Variants in PIBF1 observed in about 807,000 individuals in gnomAD.
PIBF1 encodes progesterone immunomodulatory binding factor 1, also known as progesterone-induced-blocking factor 1.
A neutral mutation model predicts 112.5 loss-of-function variants in PIBF1; 90 were observed. The observed-to-expected ratio is 0.80, with a 90% confidence interval of 0.67 to 0.95. The LOEUF (loss-of-function observed/expected upper bound fraction) is 0.95, where lower values mean the gene tolerates loss of function less well. PIBF1 is among the 40% of genes least tolerant of loss of function. PIBF1 has a pLI of 0.00. For synonymous variants in PIBF1, 301 were observed against 288.6 expected (o/e 1.04, Z -0.44); for missense variants, 915 against 852.3 (o/e 1.07, Z -0.92).
At chr13:72,792,600 T>A in intron 3 of PIBF1, 53 bp downstream of exon 3, 1 of 875,598 alleles carries the variant, frequency 1.1e-6, no homozygotes, top group Non-Finnish European at 1.8e-6. Context: ...CAATTAAAAG[T>A]AATTTTATTG....
intron 11 of PIBF1, among the ~76,000 whole-genome samples, chr13:72,895,023 T>A (rs2040222698): frequency 6.6e-6 from 1 of 151,102 alleles, no homozygotes; most frequent in South Asian, 2.1e-4. Flanking sequence ...ACTTGGGGGT[T>A]GAGACAGGGA....
Position 72,973,917 on chromosome 13 carries a change from A to G in PIBF1, c.2049+242A>G, listed in dbSNP as rs2138944485. The G allele has an allele frequency of 1.1e-5, 5 of 463,212 alleles. No homozygotes were observed. The East Asian group carries it at 1.7e-4, about 16-fold the overall frequency. The allele number at this position is 463,212 out of a possible 1,614,324, so 28.7% of individuals were successfully genotyped here. On this transcript the variant is annotated intron_variant, in intron 16 of 17. Coordinates refer to ENST00000326291, the MANE Select transcript of PIBF1 (RefSeq NM_006346.4). ...TCACTGAATTTCCCCATATTATTTA[A>G]TAATAATCTGTTTTATCTTATTCTG...
intron 14 of PIBF1, among the ~76,000 whole-genome samples, chr13:72,957,571 C>T (rs567494510): frequency 6.6e-6 from 1 of 152,178 alleles, no homozygotes; most frequent in Admixed American, 6.5e-5. Flanking sequence ...GTGTACACTG[C>T]TCAGGTGATG....
At chr13:72,807,707 A>G (rs1312148392) in intron 5 of PIBF1, among the ~76,000 whole-genome samples, 1 of 152,230 alleles carries the variant, frequency 6.6e-6, no homozygotes, top group Non-Finnish European at 1.5e-5. Context: ...TCAAAAGGTA[A>G]GTGGACTGAT....
intron 14 of PIBF1, among the ~76,000 whole-genome samples, chr13:72,948,508 C>G (rs2138844216): frequency 6.6e-6 from 1 of 152,330 alleles, no homozygotes; most frequent in African/African-American, 2.4e-5. Context: ...TTCCTGTCTT[C>G]TTCTGAGCCC....
At chr13:72,916,942 T>G in intron 12 of PIBF1, 134 bp from the exon 13 acceptor site, 1 of 480,034 alleles carries the variant, frequency 2.1e-6, no homozygotes, top group Non-Finnish European at 3.7e-6. Context: ...ATGGGCTGTT[T>G]AAGATTACAT....
chr13:72,892,228 T>A (rs1172901774), intron 10 of PIBF1, among the ~76,000 whole-genome samples: 1 of 152,128 alleles, frequency 6.6e-6, no homozygotes, highest in Non-Finnish European at 1.5e-5. Flanking sequence ...TAAAAAGGTA[T>A]TTTTTAATAA....
chr13:72,987,837 A>AATTTATTTATTT (rs1228971710), intron 16 of PIBF1, among the ~76,000 whole-genome samples: 6 of 101,944 alleles, frequency 5.9e-5, no homozygotes, highest in African/African-American at 1.9e-4. Context: ...TATTTTTTGT[A>AATTTATTTATTT]ATTTATTTAT....
intron 14 of PIBF1, among the ~76,000 whole-genome samples, chr13:72,933,060 G>T (rs2041759013): frequency 6.7e-6 from 1 of 149,608 alleles, no homozygotes; most frequent in Admixed American, 6.8e-5. Flanking sequence ...TGCAAGCCAA[G>T]TCCAGCACAC....
intron 11 of PIBF1, among the ~76,000 whole-genome samples, chr13:72,898,311 G>A (rs2040355937): frequency 6.6e-6 from 1 of 151,918 alleles, no homozygotes; most frequent in Admixed American, 6.6e-5. Context: ...TACAGCTAAG[G>A]CAGTGCCAAG....
chr13:72,831,995 T>C (rs1404804262), intron 8 of PIBF1, among the ~76,000 whole-genome samples: 1 of 152,050 alleles, frequency 6.6e-6, no homozygotes. Flanking sequence ...TTTACTATTA[T>C]GTAATGCCCT....
chr13:72,873,929 C>T (rs759780006), intron 10 of PIBF1, among the ~76,000 whole-genome samples: 1 of 151,978 alleles, frequency 6.6e-6, no homozygotes, highest in Non-Finnish European at 1.5e-5. Flanking sequence ...TTAAAATGGC[C>T]AAAGGATTTG....
At chr13:72,991,719 AT>A (rs762467681) in intron 16 of PIBF1, among the ~76,000 whole-genome samples, 667 of 135,734 alleles carry the variant, frequency 4.9e-3, no homozygotes, top group Admixed American at 4.7e-3. Flanking sequence ...CCCCATCTCA[AT>A]TTTTTTTTTT....
intron 9 of PIBF1, 47 bp downstream of exon 9, chr13:72,835,415 G>A (rs974325960): frequency 1.4e-6 from 2 of 1,422,318 alleles, no homozygotes; most frequent in East Asian, 2.4e-5. Context: ...ATCTTTGGAG[G>A]TTTTAGAAGC....
chr13:72,959,957 A>G (rs1301069289), intron 14 of PIBF1, among the ~76,000 whole-genome samples: 1 of 152,172 alleles, frequency 6.6e-6, no homozygotes, highest in African/African-American at 2.4e-5. Flanking sequence ...AGTAATTATT[A>G]TAGGTACAGA....
intron 15 of PIBF1, among the ~76,000 whole-genome samples, chr13:72,968,035 T>C (rs2042791589): frequency 6.6e-6 from 1 of 151,674 alleles, no homozygotes; most frequent in African/African-American, 2.4e-5. Flanking sequence ...AATACAAAAA[T>C]TAGCCGGGCG....
At chr13:72,995,769 G>T (rs911372740) in intron 16 of PIBF1, among the ~76,000 whole-genome samples, 1 of 151,994 alleles carries the variant, frequency 6.6e-6, no homozygotes, top group Non-Finnish European at 1.5e-5. Flanking sequence ...GGCCAAGATG[G>T]TGAAACCCCG....
Sources: allele counts gnomAD v4.1 joint callset (sites outside exome capture counted in the v4.1 genomes callset), GRCh38; gene constraint gnomAD v4.1.1; transcripts MANE v1.5; gene names NCBI Gene and HGNC (gene_info 2026-07-23, HGNC 2026-07-21).